The following MAST4 variants were observed in gnomAD, a reference collection of about 807,000 sequenced individuals.
The protein encoded by MAST4 is microtubule associated serine/threonine kinase family member 4, also known as microtubule-associated serine/threonine-protein kinase 4.
A neutral mutation model predicts 162.7 loss-of-function variants in MAST4; 89 were observed. The observed-to-expected ratio is 0.55, with a 90% CI of 0.46 to 0.65. MAST4 has a LOEUF of 0.65. Ranked by LOEUF, MAST4 falls within the 30% of genes least tolerant of loss-of-function variation. The pLI, the probability that MAST4 is intolerant of heterozygous loss-of-function variation, is 0.00. For missense variants in MAST4, 3,153 were observed against 3,374.0 expected (o/e 0.93, Z 1.62); for synonymous variants, 1,479 against 1,361.1 (o/e 1.09, Z -1.91).
At chr5:66,971,189 T>C (rs1747394150) in intron 4 of MAST4, among the ~76,000 whole-genome samples, 1 of 152,242 alleles carries the variant, frequency 6.6e-6, no homozygotes, top group Non-Finnish European at 1.5e-5. Flanking sequence ...TTTAGTCCTC[T>C]GTTAAGAGTG....
At chr5:66,683,582 AGGTAACTCTAT>A (rs541681718) in intron 1 of MAST4, among the ~76,000 whole-genome samples, 32 of 152,298 alleles carry the variant, frequency 2.1e-4, no homozygotes, top group African/African-American at 7.5e-4. Context: ...AAGATCTCAA[AGGTAACTCTAT>A]TGTCATGCTG....
intron 1 of MAST4, among the ~76,000 whole-genome samples, chr5:66,728,608 T>C (rs545934811): frequency 5.3e-5 from 8 of 152,318 alleles, no homozygotes; most frequent in Non-Finnish European, 1.0e-4. Context: ...GACTAAGAGA[T>C]TGATTTCTTC....
intron 4 of MAST4, among the ~76,000 whole-genome samples, chr5:66,943,501 G>A (rs577405661): frequency 3.6e-4 from 54 of 151,984 alleles, no homozygotes; most frequent in Non-Finnish European, 3.8e-4. Context: ...AGATCTTTTC[G>A]TTATCCCATG....
rs374048211 is a variant in MAST4 at position 66,828,919 on chromosome 5, C to A, written c.642+40125C>A. 2.1e-4 allele frequency: 315 copies of A among 1,510,682 alleles called. No homozygotes were observed. In the African/African-American group the frequency reaches 3.8e-3, roughly 18 times the overall value. The allele number at this position is 1,510,682 out of a possible 1,614,324, so 93.6% of individuals were successfully genotyped here. A position where few individuals can be genotyped will look rare whatever the true frequency, so the allele number is the denominator to read the frequency against. On this transcript the variant is annotated intron_variant, in intron 3 of 28. Transcript: ENST00000403625. ...CTCCATTCTTGACATGTAGCATTGT[C>A]AGTGGCCAGCCATTGAGGATTTCAA...
chr5:66,821,848 G>C (rs923841601), intron 3 of MAST4, among the ~76,000 whole-genome samples: 2 of 152,154 alleles, frequency 1.3e-5, no homozygotes, highest in African/African-American at 4.8e-5. Flanking sequence ...CTGAGCAGCT[G>C]TGTGAAGCAG....
intron 23 of MAST4, 28 bp from the exon 24 acceptor site, chr5:67,149,361 A>G (rs772585039): frequency 1.3e-6 from 2 of 1,595,752 alleles, no homozygotes; most frequent in East Asian, 2.2e-5. Context: ...ATTTTCCTGA[A>G]TGTGTTTATC....
intron 4 of MAST4, among the ~76,000 whole-genome samples, chr5:67,000,593 A>G (rs2150313524): frequency 6.6e-6 from 1 of 152,212 alleles, no homozygotes; most frequent in Middle Eastern, 3.4e-3. Flanking sequence ...TAAAAATACA[A>G]AAAAATTAGT....
chr5:66,957,756 A>T (rs915417869), intron 4 of MAST4, among the ~76,000 whole-genome samples: 1 of 152,236 alleles, frequency 6.6e-6, no homozygotes, highest in Non-Finnish European at 1.5e-5. Flanking sequence ...AGTTAGAAAC[A>T]GGTAGCCCTC....
intron 4 of MAST4, among the ~76,000 whole-genome samples, chr5:66,992,457 C>T (rs1750167335): frequency 6.9e-6 from 1 of 145,906 alleles, no homozygotes; most frequent in South Asian, 2.2e-4. Context: ...ATCTACTAAA[C>T]TCAGACTTCC....
chr5:66,684,487 C>T (rs767180668), intron 1 of MAST4, among the ~76,000 whole-genome samples: 12 of 152,224 alleles, frequency 7.9e-5, no homozygotes, highest in South Asian at 4.1e-4. Flanking sequence ...GTTTGGAAAT[C>T]GGGTGCCTAA....
chr5:66,610,159 G>A lies in MAST4; in HGVS notation c.363+13141G>A, dbSNP rs1025386217. ...CATGCCTCTTTGTCAGCTTCTGGTA[G>A]CCTCAGGTGCTCCTTGGTTTGCAGA... On this transcript the variant is annotated intron_variant, in intron 1 of 28. Coordinates refer to ENST00000403625, the MANE Select transcript of MAST4 (RefSeq NM_001164664.2). 2.0e-5 allele frequency among the ~76,000 whole-genome samples: 3 copies of A among 152,136 alleles called. No homozygotes were observed. In the South Asian group the frequency reaches 6.2e-4, roughly 32 times the overall value.
At chr5:67,020,534 A>C (rs1430086844) in intron 4 of MAST4, among the ~76,000 whole-genome samples, 2 of 152,236 alleles carry the variant, frequency 1.3e-5, no homozygotes, top group Non-Finnish European at 2.9e-5. Context: ...ATGGGCTTAC[A>C]TCAGCTACTG....
chr5:67,005,652 C>T (rs765931932), intron 4 of MAST4, among the ~76,000 whole-genome samples: 2 of 152,154 alleles, frequency 1.3e-5, no homozygotes, highest in Non-Finnish European at 2.9e-5. Context: ...CATTTTGTAA[C>T]GTATATTTGA....
At chr5:67,091,206 A>G (rs1191110456) in intron 6 of MAST4, among the ~76,000 whole-genome samples, 1 of 152,252 alleles carries the variant, frequency 6.6e-6, no homozygotes, top group African/African-American at 2.4e-5. Flanking sequence ...GTTTGTCAGC[A>G]TGTCATGCAT....
chr5:66,890,601 A>G (rs913423036), intron 3 of MAST4, among the ~76,000 whole-genome samples: 6 of 152,190 alleles, frequency 3.9e-5, no homozygotes, highest in African/African-American at 1.4e-4. Flanking sequence ...AAAAGTGTGA[A>G]ATTTGCTTAG....
chr5:66,930,173 G>A (rs1220267624), intron 4 of MAST4, among the ~76,000 whole-genome samples: 1 of 152,190 alleles, frequency 6.6e-6, no homozygotes, highest in Non-Finnish European at 1.5e-5. Context: ...AGGAAGAGAC[G>A]ACTGAAACTG....
intron 3 of MAST4, among the ~76,000 whole-genome samples, chr5:66,827,427 G>A (rs1757319502): frequency 1.3e-5 from 2 of 152,168 alleles, no homozygotes; most frequent in Non-Finnish European, 2.9e-5. Flanking sequence ...GGAGATATAT[G>A]CAAAGACCGT....
Position 66,919,099 on chromosome 5 carries a change from AACACACACACAC to A in MAST4, c.674+19145_674+19156del, listed in dbSNP as rs56340246. ...GCCTGGGTGACAGAGCGAGACTCTCAACACACACACACACACACACACACACACACACACACA... is the reference window on the plus strand; with the variant it reads ...GCCTGGGTGACAGAGCGAGACTCTCAACACACACACACACACACACACACA... On this transcript the variant is annotated intron_variant, in intron 4 of 28. Coordinates refer to ENST00000403625, the MANE Select transcript of MAST4 (RefSeq NM_001164664.2). Among the ~76,000 whole-genome samples the A allele has an allele frequency of 7.5e-3, 1,071 of 142,296 alleles. 13 individuals carry two copies. The highest frequency in any genetic ancestry group is 0.026 in the African/African-American group (978 of 38,012). The allele number at this position is 142,296 out of a possible 152,430, so 93.4% of individuals were successfully genotyped here. A position where few individuals can be genotyped will look rare whatever the true frequency, so the allele number is the denominator to read the frequency against.
At chr5:66,791,464 CAT>C (rs373302761) in intron 3 of MAST4, among the ~76,000 whole-genome samples, 8 of 152,292 alleles carry the variant, frequency 5.3e-5, no homozygotes, top group African/African-American at 1.9e-4. Flanking sequence ...TAATAGAAAA[CAT>C]GAGAAGAGTA....
Sources: allele counts gnomAD v4.1 joint callset (sites outside exome capture counted in the v4.1 genomes callset), GRCh38; gene constraint gnomAD v4.1.1; transcripts MANE v1.5; gene names NCBI Gene and HGNC (gene_info 2026-07-23, HGNC 2026-07-21).